TRPS1: variants seen among roughly 807,000 people sequenced by gnomAD.
The protein encoded by TRPS1 is zinc finger transcription factor Trps1.
A neutral mutation model predicts 101.2 loss-of-function variants in TRPS1; 6 were observed. The ratio of observed to expected loss-of-function variants is 0.06; its 90% confidence interval spans 0.03 to 0.12. The LOEUF is 0.12. TRPS1 is among the 10% of genes least tolerant of loss of function. The pLI is 1.00. For synonymous variants in TRPS1, 578 were observed against 589.8 expected (o/e 0.98, Z 0.29); for missense variants, 1,363 against 1,567.0 (o/e 0.87, Z 2.20).
At chr8:115,425,213 T>G (rs1586260909) in intron 5 of TRPS1, among the ~76,000 whole-genome samples, 1 of 152,308 alleles carries the variant, frequency 6.6e-6, no homozygotes, top group East Asian at 1.9e-4. Context: ...AATAAAATTG[T>G]GAAGAATCCG....
chr8:115,633,737 T>C (rs527258188), intron 1 of TRPS1, among the ~76,000 whole-genome samples: 1 of 152,152 alleles, frequency 6.6e-6, no homozygotes, highest in Non-Finnish European at 1.5e-5. Flanking sequence ...TGAATATTTT[T>C]ATAAGGCTGA....
chr8:115,590,339 A>G (rs1319101150), intron 4 of TRPS1, among the ~76,000 whole-genome samples: 1 of 152,188 alleles, frequency 6.6e-6, no homozygotes, highest in Admixed American at 6.5e-5. Context: ...CCACTTTAGC[A>G]TATTTGTGGT....
intron 5 of TRPS1, among the ~76,000 whole-genome samples, chr8:115,443,484 T>G (rs1813658718): frequency 6.6e-6 from 1 of 152,182 alleles, no homozygotes; most frequent in South Asian, 2.1e-4. Flanking sequence ...TCAGCATTAA[T>G]TTTGCTAAAA....
chr8:115,507,243 C>T (rs1254677433), intron 5 of TRPS1, among the ~76,000 whole-genome samples: 4 of 152,012 alleles, frequency 2.6e-5, no homozygotes, highest in African/African-American at 4.8e-5. Context: ...AATTAGGGCT[C>T]GTACGAGAAG....
At chr8:115,518,967 T>C (rs927581224) in intron 5 of TRPS1, among the ~76,000 whole-genome samples, 6 of 151,818 alleles carry the variant, frequency 4.0e-5, no homozygotes, top group African/African-American at 1.4e-4. Context: ...TGCAACACTT[T>C]CCTATGCATT....
At chr8:115,447,028 C>T (rs1395397752) in intron 5 of TRPS1, among the ~76,000 whole-genome samples, 1 of 152,106 alleles carries the variant, frequency 6.6e-6, no homozygotes, top group Non-Finnish European at 1.5e-5. Flanking sequence ...TTGCCCTACT[C>T]CAAGACCCGG....
chr8:115,562,289 T>C (rs148878852), intron 5 of TRPS1, among the ~76,000 whole-genome samples: 408 of 152,216 alleles, frequency 2.7e-3, no homozygotes, highest in African/African-American at 9.4e-3. Flanking sequence ...AATAGTCTCT[T>C]TACTCTGATT....
intron 5 of TRPS1, among the ~76,000 whole-genome samples, chr8:115,489,309 G>A (rs1221636996): frequency 6.6e-6 from 1 of 152,144 alleles, no homozygotes; most frequent in African/African-American, 2.4e-5. Context: ...CCAAAACAAA[G>A]ACTGGGACTG....
chr8:115,437,658 G>A (rs1193721551), intron 5 of TRPS1, among the ~76,000 whole-genome samples: 1 of 152,148 alleles, frequency 6.6e-6, no homozygotes, highest in African/African-American at 2.4e-5. Flanking sequence ...CGAACAAGAA[G>A]GAAGTTTTTG....
chr8:115,658,239 G>T (rs1035777347), intron 1 of TRPS1, among the ~76,000 whole-genome samples: 3 of 151,960 alleles, frequency 2.0e-5, no homozygotes, highest in African/African-American at 7.3e-5. Flanking sequence ...GAACTTACAG[G>T]ACCTTCCACT....
intron 5 of TRPS1, among the ~76,000 whole-genome samples, chr8:115,434,422 AG>A (rs1442615710): frequency 6.6e-6 from 1 of 152,282 alleles, no homozygotes; most frequent in African/African-American, 2.4e-5. Flanking sequence ...ATATTAGCAA[AG>A]AGGTTTTACT....
intron 4 of TRPS1, among the ~76,000 whole-genome samples, chr8:115,588,899 C>A (rs1192446488): frequency 1.3e-5 from 2 of 152,166 alleles, no homozygotes; most frequent in East Asian, 3.8e-4. Flanking sequence ...CTTTGCCCAC[C>A]TGCTGCTTAG....
intron 1 of TRPS1, among the ~76,000 whole-genome samples, chr8:115,645,098 A>G (rs1818994357): frequency 6.6e-6 from 1 of 152,160 alleles, no homozygotes; most frequent in South Asian, 2.1e-4. Context: ...CATATTTTTG[A>G]AAAAAATGGT....
chr8:115,596,190 C>A (rs1358720165), intron 4 of TRPS1, among the ~76,000 whole-genome samples: 2 of 151,896 alleles, frequency 1.3e-5, no homozygotes, highest in African/African-American at 4.8e-5. Context: ...AATACACAGT[C>A]TTGTCATCGC....
intron 5 of TRPS1, chr8:115,515,348 A>G (rs1200572231): frequency 4.4e-6 from 3 of 676,838 alleles, no homozygotes; most frequent in Admixed American, 2.1e-5. Flanking sequence ...TAATGTGGAA[A>G]GAATTTAAGA....
chr8:115,532,869 G>A (rs1312764612), intron 5 of TRPS1, among the ~76,000 whole-genome samples: 5 of 152,084 alleles, frequency 3.3e-5, no homozygotes, highest in Non-Finnish European at 7.4e-5. Context: ...AGGCAGAGAA[G>A]GGTTTTATTC....
chr8:115,663,721 GAAAAAAAAAAA>G (rs1201864123), intron 1 of TRPS1, among the ~76,000 whole-genome samples: 1 of 76,788 alleles, frequency 1.3e-5, no homozygotes, highest in Non-Finnish European at 3.1e-5. Flanking sequence ...CTTGGAAAAG[GAAAAAAAAAAA>G]AAAAAAAAAA....
intron 5 of TRPS1, among the ~76,000 whole-genome samples, chr8:115,567,419 C>T (rs1817094885): frequency 6.6e-6 from 1 of 152,042 alleles, no homozygotes. Context: ...CTGGCATTAC[C>T]TGTCCACATT....
At chr8:115,512,111 C>A (rs1332730617) in intron 5 of TRPS1, among the ~76,000 whole-genome samples, 1 of 151,662 alleles carries the variant, frequency 6.6e-6, no homozygotes, top group Non-Finnish European at 1.5e-5. Flanking sequence ...TTAAAATTTT[C>A]TATTTTCAGG....
Sources: allele counts gnomAD v4.1 joint callset (sites outside exome capture counted in the v4.1 genomes callset), GRCh38; gene constraint gnomAD v4.1.1; transcripts MANE v1.5; gene names NCBI Gene and HGNC (gene_info 2026-07-23, HGNC 2026-07-21).